Variants in PRDM11 observed in about 807,000 individuals in gnomAD.
The protein encoded by PRDM11 is PR domain-containing protein 11.
PRDM11 carries 20 observed loss-of-function variants against 97.8 expected under a neutral mutation model. The observed-to-expected ratio is 0.20, with a 90% CI of 0.14 to 0.30. The LOEUF is 0.30. Among genes scored for constraint, PRDM11 ranks in the 10% least tolerant of loss-of-function variants. The pLI is 1.00. For synonymous variants in PRDM11, 599 were observed against 637.7 expected, an observed-to-expected ratio of 0.94 and a Z score of 0.91; for missense variants, 1,139 against 1,555.2, an observed-to-expected ratio of 0.73 and a Z score of 4.50.
chr11:45,220,531 A>G (rs1164308969), intron 6 of PRDM11, among the ~76,000 whole-genome samples: 6 of 152,232 alleles, frequency 3.9e-5, no homozygotes, highest in Non-Finnish European at 8.8e-5. Context: ...AAATGAATAC[A>G]GTGATTCATC....
In PRDM11 at chr11:45,181,830, G is replaced by A; in HGVS notation, c.64G>A (p.Val22Met). The stretch of plus-strand genomic sequence containing the variant: ...TGCAGCCGTGGGGGATATGGTGACG[G>A]TGGTGAAGACGGAGGTCTGCTCACC... Reference protein sequence around the residue: ...TNAAVGDMVTVVKTEVCSPLR... With the variant: ...TNAAVGDMVTMVKTEVCSPLR... Residue 22 changes from valine (V) to methionine (M), a missense_variant, in exon 2 of 8, where the codon GTG (valine) becomes ATG (methionine). Physicochemically the swap from Val to Met is conservative, Grantham distance 21 (BLOSUM62 1). Around this residue, in one of 2 missense-constraint regions of PRDM11, gnomAD observed 429 missense variants for 510.3 expected, o/e 0.84. Transcript: ENST00000683152. 6.2e-7 allele frequency: 1 copy of A among 1,613,612 alleles called. No homozygotes were observed. The highest frequency in any genetic ancestry group is 1.1e-5 in the South Asian group (1 of 91,080).
chr11:45,163,272 C>A (rs545394605), intron 1 of PRDM11, among the ~76,000 whole-genome samples: 1 of 152,378 alleles, frequency 6.6e-6, no homozygotes, highest in Admixed American at 6.5e-5. Flanking sequence ...TCCTATGGAT[C>A]ACTCCCAGCC....
intron 1 of PRDM11, among the ~76,000 whole-genome samples, chr11:45,157,063 G>A (rs925946233): frequency 8.5e-5 from 13 of 152,164 alleles, no homozygotes; most frequent in Non-Finnish European, 8.8e-5. Flanking sequence ...CGGGGGAGCT[G>A]TCGGTGGTTT....
intron 1 of PRDM11, among the ~76,000 whole-genome samples, chr11:45,150,684 A>G (rs1310245309): frequency 6.6e-6 from 1 of 152,192 alleles, no homozygotes; most frequent in Non-Finnish European, 1.5e-5. Context: ...CCAGGAAAGC[A>G]AGAGGATGAG....
At chr11:45,099,260 C>T (rs1271307207) in intron 1 of PRDM11, among the ~76,000 whole-genome samples, 1 of 151,986 alleles carries the variant, frequency 6.6e-6, no homozygotes, top group Non-Finnish European at 1.5e-5. Context: ...CGAGAGCAGC[C>T]TGGACAACAC....
At chr11:45,152,613 G>A (rs928356829) in intron 1 of PRDM11, among the ~76,000 whole-genome samples, 1 of 152,226 alleles carries the variant, frequency 6.6e-6, no homozygotes, top group African/African-American at 2.4e-5. Flanking sequence ...TGTGGAATGA[G>A]TGAATTAATT....
chr11:45,106,726 T>C (rs1036697435), intron 1 of PRDM11, among the ~76,000 whole-genome samples: 1 of 152,186 alleles, frequency 6.6e-6, no homozygotes, highest in African/African-American at 2.4e-5. Flanking sequence ...CTCCACGTGG[T>C]CTGTGAGTTC....
intron 1 of PRDM11, among the ~76,000 whole-genome samples, chr11:45,177,620 A>T (rs1022294836): frequency 2.0e-5 from 3 of 152,194 alleles, no homozygotes; most frequent in African/African-American, 7.2e-5. Flanking sequence ...TCTATGGGCC[A>T]CTTGAGAGTT....
Position 45,139,846 on chromosome 11 carries a change from G to A in PRDM11, c.97-41915G>A, listed in dbSNP as rs147660067. Among the ~76,000 whole-genome samples, 127 of 152,284 alleles carry A rather than the reference G, an allele frequency of 8.3e-4. 1 individual carries two copies. The highest frequency in any genetic ancestry group is 4.0e-3 in the East Asian group (21 of 5,190). On this transcript the variant is annotated intron_variant, in intron 1 of 6. Coordinates refer to the PRDM11 transcript ENST00000530656. ...TGTCTCACTCATCTTAGTGGCTCTC[G>A]TGTCTGACGTGTCAATCAGTGTTTT...
At chr11:45,154,081 ACAGTG>A (rs1851729316) in intron 1 of PRDM11, among the ~76,000 whole-genome samples, 1 of 152,214 alleles carries the variant, frequency 6.6e-6, no homozygotes, top group Non-Finnish European at 1.5e-5. Flanking sequence ...TGGGCTGGGC[ACAGTG>A]GCTCATGCCT....
chr11:45,107,320 C>T (rs1766691616), intron 1 of PRDM11, among the ~76,000 whole-genome samples: 1 of 152,206 alleles, frequency 6.6e-6, no homozygotes, highest in Non-Finnish European at 1.5e-5. Context: ...CACTTTCTCA[C>T]CTGCAAAACG....
intron 1 of PRDM11, among the ~76,000 whole-genome samples, chr11:45,149,330 C>T (rs979612014): frequency 6.6e-6 from 1 of 152,236 alleles, no homozygotes; most frequent in Non-Finnish European, 1.5e-5. Flanking sequence ...AATGATCTGG[C>T]CCCTGCCCTT....
intron 1 of PRDM11, among the ~76,000 whole-genome samples, chr11:45,123,038 A>AAGCGAT (rs1852476324): frequency 6.6e-6 from 1 of 152,026 alleles, no homozygotes; most frequent in Admixed American, 6.5e-5. Context: ...CGCCATTCTA[A>AAGCGAT]CTGGTGTGAG....
chr11:45,109,698 A>G (rs1227815457), intron 1 of PRDM11, among the ~76,000 whole-genome samples: 1 of 152,204 alleles, frequency 6.6e-6, no homozygotes, highest in Admixed American at 6.5e-5. Flanking sequence ...TTCCAGGGAA[A>G]GCAGGGCCTG....
At chr11:45,156,842 G>A (rs140036051) in intron 1 of PRDM11, among the ~76,000 whole-genome samples, 2 of 152,268 alleles carry the variant, frequency 1.3e-5, no homozygotes, top group Non-Finnish European at 2.9e-5. Context: ...AGGAGCGGGG[G>A]TTTGCCAGGC....
chr11:45,220,783 C>T (rs1590471166), intron 6 of PRDM11, among the ~76,000 whole-genome samples: 1 of 152,202 alleles, frequency 6.6e-6, no homozygotes, highest in African/African-American at 2.4e-5. Context: ...CGGGTGGGTT[C>T]GGTGTCCATC....
At chr11:45,118,713 A>G (rs1200859672) in intron 1 of PRDM11, among the ~76,000 whole-genome samples, 1 of 152,248 alleles carries the variant, frequency 6.6e-6, no homozygotes, top group Non-Finnish European at 1.5e-5. Flanking sequence ...AAATCTATGG[A>G]GATATAATAA....
At chr11:45,205,292 G>T (rs1211111134) in intron 5 of PRDM11, among the ~76,000 whole-genome samples, 1 of 152,202 alleles carries the variant, frequency 6.6e-6, no homozygotes, top group Non-Finnish European at 1.5e-5. Context: ...GTTTGGGACA[G>T]AATTTTGCAC....
At chr11:45,189,857 C>T (rs1283857262) in intron 4 of PRDM11, among the ~76,000 whole-genome samples, 1 of 152,034 alleles carries the variant, frequency 6.6e-6, no homozygotes, top group African/African-American at 2.4e-5. Flanking sequence ...CGGGGATGCT[C>T]AGAGAAGTGA....
Sources: gnomAD v4.1 joint callset for allele counts (sites outside exome capture counted in the v4.1 genomes callset) on GRCh38, gnomAD v4.1.1 for gene constraint, gnomAD v4.1.1 regional missense constraint, MANE v1.5 for transcripts, NCBI Gene and HGNC (gene_info 2026-07-23, HGNC 2026-07-21) for gene names.